The following ZFP1 variants were observed in gnomAD, a reference collection of about 807,000 sequenced individuals.
The protein encoded by ZFP1 is zinc finger protein 1 homolog.
ZFP1 carries 32 observed loss-of-function variants against 38.5 expected under a neutral mutation model. That is an observed-to-expected ratio of 0.83 (90% CI 0.63 to 1.12). The LOEUF (loss-of-function observed/expected upper bound fraction) is 1.12. ZFP1 is among the 50% of genes most tolerant of loss of function. The pLI, the probability that ZFP1 is intolerant of heterozygous loss-of-function variation, is 0.00. For synonymous variants in ZFP1, 245 were observed against 168.8 expected (o/e 1.45, Z -3.50); for missense variants, 616 against 480.8 (o/e 1.28, Z -2.63).
At chr16:75,132,930 A>T in the ZFP1 span, among the ~76,000 whole-genome samples, 1 of 147,254 alleles carries the variant, frequency 6.8e-6, no homozygotes, top group South Asian at 2.2e-4. Flanking sequence ...AAAGTGCTTG[A>T]TTACAGGCAT....
chr16:75,169,002 G>T (rs1270714234), intron 3 of ZFP1, among the ~76,000 whole-genome samples: 1 of 151,934 alleles, frequency 6.6e-6, no homozygotes, highest in Non-Finnish European at 1.5e-5. Flanking sequence ...CCACTTTAAG[G>T]TCATTTTGTG....
chr16:75,150,498 C>T (rs1486013603), intron 1 of ZFP1, among the ~76,000 whole-genome samples: 1 of 152,210 alleles, frequency 6.6e-6, no homozygotes, highest in Middle Eastern at 3.2e-3. Flanking sequence ...GGATCACAGG[C>T]GTGAGCCATC....
chr16:75,142,514 A>G, the ZFP1 span, among the ~76,000 whole-genome samples: 5 of 152,152 alleles, frequency 3.3e-5, no homozygotes, highest in African/African-American at 1.2e-4. Flanking sequence ...TCACTCACCA[A>G]TCTGAGCTTG....
the ZFP1 span, among the ~76,000 whole-genome samples, chr16:75,139,728 T>C: frequency 6.6e-6 from 1 of 152,072 alleles, no homozygotes; most frequent in Non-Finnish European, 1.5e-5. Flanking sequence ...AGGTGGTTTA[T>C]ACTTAGAGTC....
At chr16:75,168,037 G>A (rs1028600679) in intron 3 of ZFP1, among the ~76,000 whole-genome samples, 1 of 151,978 alleles carries the variant, frequency 6.6e-6, no homozygotes, top group African/African-American at 2.4e-5. Context: ...CTCCAGCCTG[G>A]GCAACAGAGA....
rs1223272575 is a variant in ZFP1 at position 75,171,212 on chromosome 16, A to C, written c.*878A>C. ...ATATTGTGTAACACAGACAGAAACC[A>C]CCTGTTTTTGTCTTTCCTTGTTTCC... On this transcript the variant is annotated 3_prime_UTR_variant, in exon 4 of 4. Transcript: ENST00000570010. 1.3e-5 allele frequency: 2 copies of C among 152,034 alleles called. No homozygotes were observed. The highest frequency in any genetic ancestry group is 4.8e-5 in the African/African-American group (2 of 41,408). The allele number at this position is 152,034 out of a possible 1,614,324, so 9.4% of individuals were successfully genotyped here.
chr16:75,141,307 A>T, the ZFP1 span, among the ~76,000 whole-genome samples: 1 of 138,438 alleles, frequency 7.2e-6, no homozygotes, highest in Non-Finnish European at 1.5e-5. Context: ...GGTTCATGCC[A>T]TTCTCCTGCC....
upstream of ZFP1, among the ~76,000 whole-genome samples, chr16:75,144,791 T>C (rs530320019): frequency 8.1e-4 from 124 of 152,354 alleles, 1 homozygote; most frequent in South Asian, 0.025. Context: ...AATGGAATCA[T>C]ACAGTATTTG....
chr16:75,167,752 C>T (rs780675011), intron 3 of ZFP1, among the ~76,000 whole-genome samples: 1 of 152,108 alleles, frequency 6.6e-6, no homozygotes, highest in Non-Finnish European at 1.5e-5. Context: ...CACACACCAC[C>T]ATGTCCTGCT....
At chr16:75,126,949 C>A in the ZFP1 span, among the ~76,000 whole-genome samples, 1 of 152,124 alleles carries the variant, frequency 6.6e-6, no homozygotes, top group African/African-American at 2.4e-5. Flanking sequence ...TTTCTTTGGG[C>A]TGTATTCCTA....
the ZFP1 span, among the ~76,000 whole-genome samples, chr16:75,136,620 G>C: frequency 6.6e-6 from 1 of 152,158 alleles, no homozygotes; most frequent in Non-Finnish European, 1.5e-5. Context: ...TGTATTCTTA[G>C]AACTTTGGGA....
intron 2 of ZFP1, 119 bp downstream of exon 2, chr16:75,153,085 CTAAT>C: frequency 7.5e-7 from 1 of 1,332,066 alleles, no homozygotes. Flanking sequence ...GCAAGAATAA[CTAAT>C]CAATACCAGC....
intron 2 of ZFP1, among the ~76,000 whole-genome samples, chr16:75,156,316 G>T (rs2037467920): frequency 6.6e-6 from 1 of 152,106 alleles, no homozygotes; most frequent in Non-Finnish European, 1.5e-5. Context: ...AATTAGCCGG[G>T]CGTGGTAGCA....
At chr16:75,168,287 C>T (rs939437437) in intron 3 of ZFP1, among the ~76,000 whole-genome samples, 1 of 152,178 alleles carries the variant, frequency 6.6e-6, no homozygotes, top group African/African-American at 2.4e-5. Flanking sequence ...TTGCCAGTAT[C>T]TGTTGTTTGA....
the ZFP1 span, among the ~76,000 whole-genome samples, chr16:75,135,209 CAAAAA>C: frequency 1.5e-3 from 23 of 14,960 alleles, no homozygotes; most frequent in East Asian, 0.012. Flanking sequence ...GACCTTATCT[CAAAAA>C]AAAAAAAAAA....
In ZFP1 at chr16:75,164,459, C is replaced by G. The variant is rs548056648; in HGVS notation, c.16-2311C>G. ...CCAGAAATTAGTTTAAAACAACTTCCTTTCCCATTCCATATTTGCATACTT... is the reference window on the plus strand; with the variant it reads ...CCAGAAATTAGTTTAAAACAACTTCGTTTCCCATTCCATATTTGCATACTT... On this transcript the variant is annotated intron_variant, in intron 2 of 3. Coordinates refer to ENST00000570010, the MANE Select transcript of ZFP1 (RefSeq NM_153688.4). 7.2e-5 allele frequency among the ~76,000 whole-genome samples: 11 copies of G among 152,306 alleles called. 1 individual carries two copies. The South Asian group carries it at 2.3e-3, about 32-fold the overall frequency.
upstream of ZFP1, among the ~76,000 whole-genome samples, chr16:75,146,939 C>CA (rs34337593): frequency 7.5e-4 from 51 of 67,678 alleles, no homozygotes; most frequent in East Asian, 2.5e-3. Context: ...GACCCTGTGT[C>CA]AAAAAAAAAA....
the ZFP1 span, among the ~76,000 whole-genome samples, chr16:75,140,354 A>G: frequency 1.3e-5 from 2 of 151,938 alleles, no homozygotes; most frequent in Non-Finnish European, 2.9e-5. Flanking sequence ...GGACCACTTG[A>G]GCTCAGGAGT....
Position 75,169,737 on chromosome 16 carries a change from A to G in ZFP1, c.627A>G (p.Glu209=), listed in dbSNP as rs2038318366. 6.2e-7 allele frequency: 1 copy of G among 1,613,174 alleles called. No homozygotes were observed. The highest frequency in any genetic ancestry group is 1.7e-5 in the Admixed American group (1 of 59,812). The part of the protein sequence containing the change: ...LISHKRIHTG[E]KPYECNVCKK... ...GTCATAAGAGAATACATACTGGAGA[A>G]AAGCCATATGAATGCAATGTATGTA... is the stretch of plus-strand genomic sequence containing the variant. Residue 209 remains glutamate, a synonymous_variant, in exon 4 of 4, where the codon GAA becomes GAG. Coordinates refer to ENST00000570010, the MANE Select transcript of ZFP1 (RefSeq NM_153688.4).
Sources: gnomAD v4.1 joint callset for allele counts (sites outside exome capture counted in the v4.1 genomes callset) on GRCh38, gnomAD v4.1.1 for gene constraint, MANE v1.5 for transcripts, NCBI Gene and HGNC (gene_info 2026-07-23, HGNC 2026-07-21) for gene names.